The following SPATA13 variants were observed in gnomAD, a reference collection of about 807,000 sequenced individuals.
SPATA13 encodes spermatogenesis-associated protein 13.
Under a neutral mutation model 104.0 loss-of-function variants are expected in SPATA13, and 50 were observed. The ratio of observed to expected loss-of-function variants is 0.48; its 90% CI spans 0.38 to 0.61. The LOEUF (loss-of-function observed/expected upper bound fraction) is 0.61, where lower values mean the gene tolerates loss of function less well. Ranked by LOEUF, SPATA13 falls within the 20% of genes least tolerant of loss-of-function variation. SPATA13 has a pLI of 0.00. For synonymous variants in SPATA13, 606 were observed against 667.5 expected, an observed-to-expected ratio of 0.91 and a Z score of 1.42; for missense variants, 1,524 against 1,690.6, an observed-to-expected ratio of 0.90 and a Z score of 1.73.
intron 3 of SPATA13, chr13:24,122,932 C>T (rs1448990562): frequency 7.7e-6 from 6 of 779,400 alleles, no homozygotes. Context: ...TAATGATCTT[C>T]AGCTACACTA....
At chr13:24,058,132 A>G (rs913629036) in intron 3 of SPATA13, among the ~76,000 whole-genome samples, 1 of 151,856 alleles carries the variant, frequency 6.6e-6, no homozygotes, top group Admixed American at 6.6e-5. Flanking sequence ...TTACCTTTAC[A>G]TAATTATGAG....
At chr13:24,044,312 A>C (rs1326464169) in intron 3 of SPATA13, among the ~76,000 whole-genome samples, 1 of 146,452 alleles carries the variant, frequency 6.8e-6, no homozygotes, top group Non-Finnish European at 1.5e-5. Context: ...GGCTCACTGC[A>C]ATCTCCACCT....
intron 2 of SPATA13, among the ~76,000 whole-genome samples, chr13:23,995,966 A>G (rs1875667902): frequency 6.6e-6 from 1 of 152,218 alleles, no homozygotes. Flanking sequence ...TTGAAGAGCT[A>G]GAGAGACAAC....
rs1873830209 is a variant in SPATA13 at position 24,257,189 on chromosome 13, T to C, written c.2164+5327T>C. 2.0e-5 allele frequency among the ~76,000 whole-genome samples: 3 copies of C among 152,346 alleles called. No homozygotes were observed. In the South Asian group the frequency reaches 6.2e-4, roughly 32 times the overall value. ...GTCTCTATTATCCATTCCCCTTCTC[T>C]TTCTACGTATCTTGTCCAGAGTTCA... On this transcript the variant is annotated intron_variant, in intron 4 of 12. Coordinates refer to ENST00000382108, the MANE Select transcript of SPATA13 (RefSeq NM_001166271.3).
rs77784335 is a variant in SPATA13 at position 24,280,952 on chromosome 13, C to G, written c.2165-3183C>G. The stretch of plus-strand genomic sequence containing the variant: ...AGTCACCATGCGTTGTTCAGGCTCC[C>G]GTGTTTCTCAGACAGCACATGTCTG... On this transcript the variant is annotated intron_variant, in intron 4 of 12. Coordinates refer to ENST00000382108, the MANE Select transcript of SPATA13 (RefSeq NM_001166271.3). Among the ~76,000 whole-genome samples, 12 of 152,188 alleles carry G rather than the reference C, an allele frequency of 7.9e-5. No individual in the cohort carries two copies. In the East Asian group the frequency reaches 9.7e-4, roughly 12 times the overall value.
chr13:24,083,515 A>G (rs1448203258), intron 3 of SPATA13, among the ~76,000 whole-genome samples: 1 of 152,196 alleles, frequency 6.6e-6, no homozygotes, highest in Non-Finnish European at 1.5e-5. Flanking sequence ...GAGAATGGCT[A>G]GCTCTCTGTG....
chr13:24,248,314 G>A (rs1016164115), intron 2 of SPATA13, among the ~76,000 whole-genome samples: 8 of 152,224 alleles, frequency 5.3e-5, no homozygotes, highest in Non-Finnish European at 1.2e-4. Context: ...AGGACCTGCT[G>A]TTTCCCAGGG....
At position 24,303,444 on chromosome 13, in the gene SPATA13, C is replaced by T. The variant is rs186330196; in HGVS notation, c.*671C>T. 1.7e-5 allele frequency: 3 copies of T among 177,434 alleles called. No homozygotes were observed. Among genetic ancestry groups the T allele is most frequent in the African/African-American group, 7.2e-5 (3 of 41,936 alleles). The allele number at this position is 177,434 out of a possible 1,614,324, so 11.0% of individuals were successfully genotyped here. ...CATCTGTCACCTTCATCAGGGTCCT[C>T]AGTGCAGAGCAACTTACGCATCCTC... On this transcript the variant is annotated 3_prime_UTR_variant, in exon 13 of 13. Coordinates refer to ENST00000382108, the MANE Select transcript of SPATA13 (RefSeq NM_001166271.3).
intron 3 of SPATA13, among the ~76,000 whole-genome samples, chr13:24,119,693 C>T (rs905458996): frequency 6.6e-6 from 1 of 152,168 alleles, no homozygotes; most frequent in Admixed American, 6.5e-5. Flanking sequence ...GCAAAAGAAT[C>T]TGAACTCCTT....
chr13:24,068,773 T>A (rs895437200), intron 3 of SPATA13, among the ~76,000 whole-genome samples: 13 of 152,226 alleles, frequency 8.5e-5, no homozygotes, highest in South Asian at 2.1e-4. Context: ...ATCAGTGGTA[T>A]TGAGCTCTTT....
intron 4 of SPATA13, among the ~76,000 whole-genome samples, chr13:24,269,939 C>G (rs921484528): frequency 5.9e-5 from 9 of 151,466 alleles, no homozygotes; most frequent in African/African-American, 1.9e-4. Context: ...CCAGACTGGT[C>G]ATGAATTCCT....
intron 1 of SPATA13, among the ~76,000 whole-genome samples, chr13:24,216,528 G>T (rs1364380027): frequency 1.3e-5 from 2 of 152,194 alleles, no homozygotes; most frequent in Non-Finnish European, 2.9e-5. Flanking sequence ...GAACTTCAGT[G>T]ATTGAATACT....
At chr13:24,122,640 C>CTTTT in intron 3 of SPATA13, 2 of 1,210,408 alleles carry the variant, frequency 1.7e-6, no homozygotes, top group African/African-American at 3.1e-5. Flanking sequence ...TTTGCACATA[C>CTTTT]TGTATATCAC....
At chr13:24,148,563 C>A (rs1882005453) in intron 3 of SPATA13, among the ~76,000 whole-genome samples, 1 of 152,124 alleles carries the variant, frequency 6.6e-6, no homozygotes. Flanking sequence ...AAACACAAGC[C>A]CTTGGTGTAC....
chr13:24,201,255 T>C (rs1279923063), intron 1 of SPATA13, among the ~76,000 whole-genome samples: 1 of 152,160 alleles, frequency 6.6e-6, no homozygotes, highest in African/African-American at 2.4e-5. Context: ...CCACTCATCA[T>C]CAGCTGTTTG....
chr13:24,086,635 G>T (rs1879731628), intron 3 of SPATA13, among the ~76,000 whole-genome samples: 1 of 152,204 alleles, frequency 6.6e-6, no homozygotes, highest in South Asian at 2.1e-4. Flanking sequence ...CCATAGCTGG[G>T]AATGCCACAG....
At chr13:24,040,202 G>A (rs769569027) in intron 3 of SPATA13, among the ~76,000 whole-genome samples, 13 of 152,294 alleles carry the variant, frequency 8.5e-5, no homozygotes, top group Admixed American at 2.0e-4. Context: ...CAGAGAGAGC[G>A]TTAAGTCAGG....
chr13:23,997,260 AC>A (rs750359829), intron 2 of SPATA13, among the ~76,000 whole-genome samples: 1 of 152,224 alleles, frequency 6.6e-6, no homozygotes, highest in Non-Finnish European at 1.5e-5. Flanking sequence ...ACACTGTGGT[AC>A]ATATGTGTAT....
intron 2 of SPATA13, among the ~76,000 whole-genome samples, chr13:24,236,007 G>T (rs186334765): frequency 6.6e-6 from 1 of 152,106 alleles, no homozygotes; most frequent in Non-Finnish European, 1.5e-5. Flanking sequence ...TTTTGTATTT[G>T]CTTTAACAGA....
Sources: gnomAD v4.1 joint callset for allele counts (sites outside exome capture counted in the v4.1 genomes callset) on GRCh38, gnomAD v4.1.1 for gene constraint, MANE v1.5 for transcripts, NCBI Gene and HGNC (gene_info 2026-07-23, HGNC 2026-07-21) for gene names.